The following BCAS1 variants were observed in gnomAD, a reference collection of about 807,000 sequenced individuals.
BCAS1 encodes the protein breast carcinoma-amplified sequence 1.
BCAS1 carries 46 observed loss-of-function variants against 65.4 expected under a neutral mutation model. That is an observed-to-expected ratio of 0.70 (90% CI 0.55 to 0.90). BCAS1 has a LOEUF of 0.90. Among genes scored for constraint, BCAS1 ranks in the 40% least tolerant of loss-of-function variants. The pLI, the probability that BCAS1 is intolerant of heterozygous loss-of-function variation, is 0.00. For synonymous variants in BCAS1, 298 were observed against 293.5 expected, an observed-to-expected ratio of 1.02 and a Z score of -0.16; for missense variants, 793 against 771.2, an observed-to-expected ratio of 1.03 and a Z score of -0.33.
intron 4 of BCAS1, among the ~76,000 whole-genome samples, chr20:54,012,938 G>A (rs1335607820): frequency 1.3e-5 from 2 of 152,176 alleles, no homozygotes; most frequent in African/African-American, 4.8e-5. Flanking sequence ...CTTTCCTTCA[G>A]ATGTTTACTC....
chr20:53,959,053 C>T (rs2089790441), intron 10 of BCAS1, among the ~76,000 whole-genome samples: 1 of 152,050 alleles, frequency 6.6e-6, no homozygotes. Flanking sequence ...ATGGGATGTC[C>T]CCTCATCAGG....
intron 3 of BCAS1, among the ~76,000 whole-genome samples, chr20:54,032,981 T>C (rs1159610394): frequency 6.6e-6 from 1 of 151,040 alleles, no homozygotes; most frequent in Non-Finnish European, 1.5e-5. Flanking sequence ...CCCTGATAGA[T>C]ATCTACAGGA....
intron 4 of BCAS1, among the ~76,000 whole-genome samples, chr20:53,996,461 T>TAAAAAAAAAAAAAAAAAAAA (rs143929524): frequency 2.2e-5 from 2 of 92,170 alleles, no homozygotes; most frequent in Admixed American, 1.3e-4. Flanking sequence ...TTATATCAAC[T>TAAAAAAAAAAAAAAAAAAAA]AAAAAAAAAA....
intron 1 of BCAS1, among the ~76,000 whole-genome samples, chr20:54,066,286 A>T (rs867913645): frequency 1.3e-5 from 2 of 152,068 alleles, no homozygotes; most frequent in South Asian, 2.1e-4. Context: ...GTTAGCCAGG[A>T]TGGTCTCGAT....
Position 53,985,469 on chromosome 20 carries a change from C to A in BCAS1, c.1093G>T (p.Asp365Tyr). Residue 365 changes from aspartate to tyrosine, a missense_variant, in exon 8 of 13, where the codon GAC becomes TAC. Transcript: ENST00000688948. Reference protein sequence around the residue: ...GAEKSPTTSADLKSDKANFTS... With the variant: ...GAEKSPTTSAYLKSDKANFTS... ...AAGTTGGCTTTGTCTGACTTAAGGT[C>A]AGCTGAAGTGGTGGGTGACTTTTCA... 1 of 1,613,810 alleles carries A rather than the reference C, an allele frequency of 6.2e-7. No homozygotes were observed. The highest frequency in any genetic ancestry group is 1.1e-5 in the South Asian group (1 of 91,052).
In BCAS1 at chr20:53,966,940, G is replaced by C. The variant is rs773196382; in HGVS notation, c.1451C>G (p.Pro484Arg). The part of the protein sequence containing the change: ...EAKLKREESK[P>R]RTSLMAFLRQ... ...GAGAAACGCCATCAGAGAGGTTCTT[G>C]GTTTGCTTTCTTCTCTTTTGAGTTT... Residue 484 changes from proline (P) to arginine (R), a missense_variant, in exon 10 of 13, where the codon CCA becomes CGA. Transcript: ENST00000688948. 5 of 1,612,790 alleles carry C rather than the reference G, an allele frequency of 3.1e-6. No individual in the cohort carries two copies. The East Asian group carries it at 8.9e-5, about 29-fold the overall frequency.
intron 1 of BCAS1, among the ~76,000 whole-genome samples, chr20:54,061,571 G>T (rs1469600248): frequency 3.3e-5 from 5 of 152,118 alleles, no homozygotes; most frequent in African/African-American, 7.2e-5. Flanking sequence ...ATTGGTGTGA[G>T]TTTTTATTCC....
At chr20:53,992,306 A>C (rs2090780577) in intron 7 of BCAS1, among the ~76,000 whole-genome samples, 1 of 152,208 alleles carries the variant, frequency 6.6e-6, no homozygotes, top group Admixed American at 6.6e-5. Context: ...GGTCCGCACT[A>C]GGAAGACACC....
intron 4 of BCAS1, among the ~76,000 whole-genome samples, chr20:54,011,516 G>A (rs893057964): frequency 2.0e-5 from 3 of 152,112 alleles, no homozygotes; most frequent in African/African-American, 7.2e-5. Context: ...CATTAGAAAA[G>A]TGCAAATTAA....
intron 10 of BCAS1, among the ~76,000 whole-genome samples, chr20:53,965,325 G>GA (rs1333023777): frequency 6.6e-6 from 1 of 152,202 alleles, no homozygotes; most frequent in East Asian, 1.9e-4. Context: ...TTAACAGGTT[G>GA]AGCCTGTGAA....
chr20:53,990,986 G>C (rs2090743780), intron 7 of BCAS1, among the ~76,000 whole-genome samples: 2 of 152,170 alleles, frequency 1.3e-5, no homozygotes, highest in Admixed American at 6.5e-5. Flanking sequence ...AACAGTTTTT[G>C]GGAAGCCCTA....
chr20:54,027,615 C>T (rs2091701145), intron 4 of BCAS1, among the ~76,000 whole-genome samples: 1 of 152,128 alleles, frequency 6.6e-6, no homozygotes, highest in East Asian at 1.9e-4. Flanking sequence ...TATAATGTAT[C>T]AAGTTTTACT....
chr20:54,034,387 T>C (rs2091859157), intron 3 of BCAS1, among the ~76,000 whole-genome samples: 3 of 151,350 alleles, frequency 2.0e-5, no homozygotes, highest in Admixed American at 6.6e-5. Flanking sequence ...GAAAACCCCA[T>C]AGTCTCAGCC....
rs116454433 is a variant in BCAS1, at chr20:54,047,383, C to T, written c.142+10702G>A. On this transcript the variant is annotated intron_variant, in intron 3 of 12. Transcript: ENST00000688948. ...GAATACCAGGAAGCATGGGTTATTG[C>T]GTGGTGGGTTGTATGTGTGCATCTT... 2.0e-3 allele frequency among the ~76,000 whole-genome samples: 300 copies of T among 152,268 alleles called. 1 individual carries two copies. The highest frequency in any genetic ancestry group is 6.9e-3 in the African/African-American group (287 of 41,556).
chr20:54,028,830 A>G lies in BCAS1; in HGVS notation c.285T>C (p.Phe95=). The G allele has an allele frequency of 6.2e-7, 1 of 1,614,040 alleles. No individual in the cohort carries two copies. The highest frequency in any genetic ancestry group is 8.5e-7 in the Non-Finnish European group (1 of 1,180,012). Residue 95 remains phenylalanine, a synonymous_variant, in exon 4 of 13, where the codon TTT becomes TTC. Transcript: ENST00000688948. ...GTACAGGCCGAGAGAGCATCAAGAA[A>G]AAACGAGATTTAGCAGCTGGTGCCT... The part of the protein sequence containing the change: ...KPEAPAAKSR[F]FLMLSRPVPG...
rs538137905 is a variant in BCAS1, at chr20:54,056,251, A to G, written c.142+1834T>C. On this transcript the variant is annotated intron_variant, in intron 3 of 12. Transcript: ENST00000688948. ...TATATATACACATACACACACACAC[A>G]CACACCATGGAATACTACTCAACCA... Among the ~76,000 whole-genome samples the G allele has an allele frequency of 3.9e-5, 6 of 152,290 alleles. No individual in the cohort carries two copies. The East Asian group carries it at 1.2e-3, about 29-fold the overall frequency.
intron 4 of BCAS1, among the ~76,000 whole-genome samples, chr20:54,018,584 C>CCT (rs2091490705): frequency 1.3e-5 from 2 of 152,244 alleles, no homozygotes; most frequent in African/African-American, 4.8e-5. Flanking sequence ...GATCCACTTG[C>CCT]CTCGGCCTCC....
chr20:53,957,319 C>T, intron 11 of BCAS1, 113 bp downstream of exon 11: 1 of 959,588 alleles, frequency 1.0e-6, no homozygotes, highest in South Asian at 1.4e-5. Context: ...GGTGCTTAAT[C>T]CTGAGATATT....
At chr20:53,951,781 C>T (rs1397698818) in intron 12 of BCAS1, among the ~76,000 whole-genome samples, 3 of 152,232 alleles carry the variant, frequency 2.0e-5, no homozygotes, top group Non-Finnish European at 2.9e-5. Context: ...TGCTTTACAT[C>T]AACATCTGCC....
Sources: allele counts gnomAD v4.1 joint callset (sites outside exome capture counted in the v4.1 genomes callset), GRCh38; gene constraint gnomAD v4.1.1; transcripts MANE v1.5; gene names NCBI Gene and HGNC (gene_info 2026-07-23, HGNC 2026-07-21).